ZNF407: variants seen among roughly 807,000 people sequenced by gnomAD.
ZNF407 encodes zinc finger protein 407.
A neutral mutation model predicts 131.2 loss-of-function variants in ZNF407; 17 were observed. The ratio of observed to expected loss-of-function variants is 0.13; its 90% CI spans 0.09 to 0.19. The LOEUF is 0.19. Ranked by LOEUF, ZNF407 falls within the 10% of genes least tolerant of loss-of-function variation. ZNF407 has a pLI of 1.00. For synonymous variants in ZNF407, 1,156 were observed against 1,062.0 expected (o/e 1.09, Z -1.72); for missense variants, 2,681 against 2,830.6 (o/e 0.95, Z 1.20).
At chr18:74,804,139 CTTT>C in intron 4 of ZNF407, 1 of 1,137,462 alleles carries the variant, frequency 8.8e-7, no homozygotes, top group Non-Finnish European at 1.2e-6. Flanking sequence ...ATTTCATTGT[CTTT>C]TTTTTTTTCC....
At chr18:75,007,546 C>T (rs1972925856) in intron 8 of ZNF407, among the ~76,000 whole-genome samples, 2 of 152,306 alleles carry the variant, frequency 1.3e-5, no homozygotes, top group South Asian at 4.1e-4. Flanking sequence ...GAAAATGAAC[C>T]TCCACCAACA....
chr18:74,685,139 T>G (rs1400287935), intron 3 of ZNF407, among the ~76,000 whole-genome samples: 1 of 152,190 alleles, frequency 6.6e-6, no homozygotes, highest in East Asian at 1.9e-4. Context: ...GTCTTAAGGA[T>G]TATAGAAGGT....
intron 3 of ZNF407, among the ~76,000 whole-genome samples, chr18:74,708,996 A>T (rs1967693839): frequency 6.6e-6 from 1 of 152,216 alleles, no homozygotes; most frequent in Admixed American, 6.5e-5. Context: ...GTGAAAGTGA[A>T]AGACCTCAAA....
At chr18:74,962,090 T>G (rs2145292958) in intron 8 of ZNF407, among the ~76,000 whole-genome samples, 1 of 152,220 alleles carries the variant, frequency 6.6e-6, no homozygotes. Context: ...TTAGTAATGA[T>G]GCTTGTTTTT....
chr18:75,010,834 G>A (rs1223135551), intron 8 of ZNF407, among the ~76,000 whole-genome samples: 1 of 152,070 alleles, frequency 6.6e-6, no homozygotes, highest in Non-Finnish European at 1.5e-5. Flanking sequence ...TTTCCTAAAG[G>A]AAAAAGCATA....
chr18:74,861,761 T>C (rs368888163), intron 4 of ZNF407, among the ~76,000 whole-genome samples: 2 of 152,246 alleles, frequency 1.3e-5, no homozygotes, highest in Non-Finnish European at 2.9e-5. Context: ...ATTCGTGTTA[T>C]ATTCAATACC....
chr18:75,031,284 A>G (rs372624393), intron 8 of ZNF407, among the ~76,000 whole-genome samples: 2 of 152,224 alleles, frequency 1.3e-5, no homozygotes, highest in African/African-American at 2.4e-5. Flanking sequence ...TAATGCAATG[A>G]GGTAATAGAA....
rs966304553 is a variant in ZNF407 at position 74,900,846 on chromosome 18, A to T, written c.5249+10808A>T. Among the ~76,000 whole-genome samples, 69 of 152,328 alleles carry T rather than the reference A, an allele frequency of 4.5e-4. 1 individual carries two copies. Among genetic ancestry groups the T allele is most frequent in the African/African-American group, 1.5e-3 (64 of 41,572 alleles). On this transcript the variant is annotated intron_variant, in intron 7 of 8. Coordinates refer to ENST00000299687, the MANE Select transcript of ZNF407 (RefSeq NM_017757.3). ...CATTTTACCAAGCATGAACTAAATT[A>T]TATATTTTCTGTGTTCTTATGTGCT...
chr18:75,040,308 T>C (rs1036937411), intron 8 of ZNF407, among the ~76,000 whole-genome samples: 1 of 152,154 alleles, frequency 6.6e-6, no homozygotes, highest in African/African-American at 2.4e-5. Flanking sequence ...TATTAGATAC[T>C]GGATATTGAT....
chr18:74,631,105 A>G lies in ZNF407; in HGVS notation c.86A>G (p.His29Arg). ...EAQDLTKLSS[H>R]NEDGGPVSDV... Reference sequence around the variant, plus strand: ...CAAGACTTGACAAAGCTTTCATCCCATAATGAAGACGGTGGGCCTGTATCT... The same window carrying G: ...CAAGACTTGACAAAGCTTTCATCCCGTAATGAAGACGGTGGGCCTGTATCT... Residue 29 changes from histidine to arginine, a missense_variant, in exon 2 of 9, where the codon CAT (histidine) becomes CGT (arginine). This residue lies in a region of ZNF407 where 1,789 missense variants were observed against 1,748.7 expected (regional missense o/e 1.02). Coordinates refer to ENST00000299687, the MANE Select transcript of ZNF407 (RefSeq NM_017757.3). 1.9e-6 allele frequency: 3 copies of G among 1,613,934 alleles called. No homozygotes were observed. The highest frequency in any genetic ancestry group is 1.1e-5 in the South Asian group (1 of 91,076).
intron 8 of ZNF407, chr18:75,061,213 C>T (rs141845696): frequency 6.6e-6 from 1 of 152,316 alleles, no homozygotes; most frequent in Non-Finnish European, 1.5e-5. Flanking sequence ...TGTTAAGAAA[C>T]TGACCCCCTC....
chr18:74,765,263 G>T (rs1025471488), intron 3 of ZNF407, among the ~76,000 whole-genome samples: 5 of 151,822 alleles, frequency 3.3e-5, no homozygotes, highest in Non-Finnish European at 5.9e-5. Context: ...ATTCTGGGTT[G>T]GTTGTATTTG....
chr18:74,706,874 C>G (rs1568175732), intron 3 of ZNF407, among the ~76,000 whole-genome samples: 1 of 150,862 alleles, frequency 6.6e-6, no homozygotes, highest in East Asian at 1.9e-4. Context: ...TGTCCTGTTT[C>G]TTCTTATGCA....
At chr18:75,052,576 TC>T (rs1360584542) in intron 8 of ZNF407, among the ~76,000 whole-genome samples, 2 of 152,178 alleles carry the variant, frequency 1.3e-5, no homozygotes, top group Non-Finnish European at 2.9e-5. Flanking sequence ...CCGAAAGCAT[TC>T]CAAGTCCTGC....
chr18:74,939,976 G>A (rs1374375908), intron 8 of ZNF407, among the ~76,000 whole-genome samples: 1 of 152,130 alleles, frequency 6.6e-6, no homozygotes, highest in Non-Finnish European at 1.5e-5. Flanking sequence ...GGTAGAAAAT[G>A]GATACAAAAA....
intron 8 of ZNF407, among the ~76,000 whole-genome samples, chr18:75,034,603 GTT>G (rs1263638698): frequency 6.9e-6 from 1 of 145,440 alleles, no homozygotes; most frequent in African/African-American, 2.5e-5. Context: ...CGCCCGGCGG[GTT>G]TTTTTTTTTT....
At chr18:74,910,129 T>C (rs1261716099) in intron 7 of ZNF407, among the ~76,000 whole-genome samples, 1 of 152,168 alleles carries the variant, frequency 6.6e-6, no homozygotes, top group Non-Finnish European at 1.5e-5. Context: ...CAAAATATGC[T>C]GTATCTCAAA....
At chr18:74,695,475 G>T (rs1220358801) in intron 3 of ZNF407, among the ~76,000 whole-genome samples, 1 of 150,194 alleles carries the variant, frequency 6.7e-6, no homozygotes, top group African/African-American at 2.5e-5. Context: ...CTTCCAAGCT[G>T]TTTTGTTCTA....
chr18:74,632,934 C>T lies in ZNF407; in HGVS notation c.1915C>T (p.His639Tyr). The stretch of plus-strand genomic sequence containing the variant: ...GGAAGAACACAAAGCCACCGAGAAG[C>T]ATATTAATTCATTGGTTCAACCAAA... ...DVEEHKATEKHINSLVQPKTL... is the reference protein window; with the variant it reads ...DVEEHKATEKYINSLVQPKTL... Residue 639 changes from histidine to tyrosine, a missense_variant, in exon 2 of 9, where the codon CAT (histidine) becomes TAT (tyrosine). Transcript: ENST00000299687. 6.2e-7 allele frequency: 1 copy of T among 1,613,042 alleles called. No individual in the cohort carries two copies. Among genetic ancestry groups the T allele is most frequent in the South Asian group, 1.1e-5 (1 of 91,030 alleles).
Sources: allele counts gnomAD v4.1 joint callset (sites outside exome capture counted in the v4.1 genomes callset), GRCh38; gene constraint gnomAD v4.1.1; regional missense constraint gnomAD v4.1.1; transcripts MANE v1.5; gene names NCBI Gene and HGNC (gene_info 2026-07-23, HGNC 2026-07-21).